Variants in FOCAD observed in about 807,000 individuals in gnomAD.
The protein encoded by FOCAD is focadhesin.
Under a neutral mutation model 225.6 loss-of-function variants are expected in FOCAD, and 198 were observed. The observed-to-expected ratio is 0.88, with a 90% CI of 0.78 to 0.99. The LOEUF (loss-of-function observed/expected upper bound fraction) is 0.99. Ranked by LOEUF, FOCAD falls within the 50% of genes least tolerant of loss-of-function variation. The pLI is 0.00. For synonymous variants in FOCAD, 897 were observed against 755.0 expected, an observed-to-expected ratio of 1.19 and a Z score of -3.08; for missense variants, 2,713 against 2,123.6, an observed-to-expected ratio of 1.28 and a Z score of -5.46.
chr9:20,801,122 C>G (rs961574347), intron 11 of FOCAD, among the ~76,000 whole-genome samples: 2 of 152,098 alleles, frequency 1.3e-5, no homozygotes, highest in African/African-American at 4.8e-5. Context: ...ACTCCAGACC[C>G]TGTTTGCCTG....
chr9:20,760,077 C>G (rs1042249608), intron 6 of FOCAD, among the ~76,000 whole-genome samples: 2 of 152,180 alleles, frequency 1.3e-5, no homozygotes, highest in African/African-American at 4.8e-5. Flanking sequence ...GCCACCTGTT[C>G]CTAACTGGTG....
chr9:20,732,093 A>T (rs2012901), intron 4 of FOCAD, among the ~76,000 whole-genome samples: 95,190 of 151,960 alleles, frequency 0.63, 30,832 homozygotes, highest in Non-Finnish European at 0.71. Context: ...CTTTTCCCTA[A>T]TGCTCTCCTG....
chr9:20,777,518 T>C (rs1054319021), intron 8 of FOCAD, among the ~76,000 whole-genome samples: 2 of 152,080 alleles, frequency 1.3e-5, no homozygotes, highest in African/African-American at 4.8e-5. Context: ...CTTTTTTTCA[T>C]TTTGTTTATA....
At chr9:20,756,360 A>C (rs545169475) in intron 5 of FOCAD, among the ~76,000 whole-genome samples, 2 of 152,280 alleles carry the variant, frequency 1.3e-5, no homozygotes, top group East Asian at 3.9e-4. Context: ...GAGGTGTTTC[A>C]CATGTGTTTC....
At chr9:20,962,563 T>A (rs1056785176) in intron 35 of FOCAD, among the ~76,000 whole-genome samples, 1 of 152,118 alleles carries the variant, frequency 6.6e-6, no homozygotes, top group African/African-American at 2.4e-5. Flanking sequence ...ATATACAGAC[T>A]CAGGCTGTTA....
At chr9:20,958,288 T>C (rs1035534539) in intron 35 of FOCAD, among the ~76,000 whole-genome samples, 3 of 151,784 alleles carry the variant, frequency 2.0e-5, no homozygotes, top group Non-Finnish European at 2.9e-5. Context: ...AGGTATAAAA[T>C]GATACCTTAA....
chr9:20,943,041 C>G (rs1008095068), intron 28 of FOCAD, among the ~76,000 whole-genome samples: 5 of 152,148 alleles, frequency 3.3e-5, no homozygotes, highest in African/African-American at 1.2e-4. Flanking sequence ...CTAATTCTGT[C>G]AAATTGTTAT....
At position 20,946,612 on chromosome 9, in the gene FOCAD, G is replaced by A. The variant is rs1028465539; in HGVS notation, c.3556-89G>A. 4.3e-6 allele frequency: 6 copies of A among 1,402,668 alleles called. No individual in the cohort carries two copies. The Admixed American group carries it at 1.1e-4, about 26-fold the overall frequency. 86.9% of individuals were successfully genotyped at this position (1,402,668 alleles called of 1,614,324 possible). On this transcript the variant is annotated intron_variant, in intron 29 of 43. Coordinates refer to ENST00000338382, the MANE Select transcript of FOCAD (RefSeq NM_001375567.1). ...TGTGAATCCAATTCTTACTCTGGGG[G>A]GGAGTTTGACAGAATATCTTGTCAA...
At chr9:20,726,278 C>A (rs998033607) in intron 4 of FOCAD, 1 of 152,110 alleles carries the variant, frequency 6.6e-6, no homozygotes, top group African/African-American at 2.4e-5. Context: ...CTAGAAGGCT[C>A]ATGCAACCAT....
chr9:20,861,623 A>G (rs1284862809), intron 15 of FOCAD, among the ~76,000 whole-genome samples: 1 of 152,184 alleles, frequency 6.6e-6, no homozygotes, highest in African/African-American at 2.4e-5. Context: ...CCTTAAGTAT[A>G]TATTACTCAT....
chr9:20,962,968 C>A (rs1358925650), intron 35 of FOCAD, among the ~76,000 whole-genome samples: 1 of 152,198 alleles, frequency 6.6e-6, no homozygotes, highest in Non-Finnish European at 1.5e-5. Flanking sequence ...GGGGAAGGAA[C>A]TAGTTCACTG....
At chr9:20,911,740 G>A (rs1421502564) in intron 22 of FOCAD, among the ~76,000 whole-genome samples, 1 of 152,172 alleles carries the variant, frequency 6.6e-6, no homozygotes, top group Admixed American at 6.6e-5. Flanking sequence ...GCCAGTAGGT[G>A]TAAATGGCAT....
intron 34 of FOCAD, among the ~76,000 whole-genome samples, 168 bp downstream of exon 34, chr9:20,951,266 C>G (rs1837662258): frequency 6.6e-6 from 1 of 152,060 alleles, no homozygotes; most frequent in Non-Finnish European, 1.5e-5. Flanking sequence ...CCTGACTTAC[C>G]CAGGGTCATG....
intron 18 of FOCAD, among the ~76,000 whole-genome samples, chr9:20,867,260 G>C (rs1564090239): frequency 6.6e-6 from 1 of 151,990 alleles, no homozygotes; most frequent in African/African-American, 2.4e-5. Flanking sequence ...GCTTGCTCCA[G>C]ATCTGAGTCA....
At chr9:20,748,482 T>G (rs1828261057) in intron 5 of FOCAD, among the ~76,000 whole-genome samples, 1 of 152,090 alleles carries the variant, frequency 6.6e-6, no homozygotes, top group Admixed American at 6.6e-5. Context: ...ATAGAAAATG[T>G]ACACATGCAT....
chr9:20,779,534 G>A (rs1819150326), intron 9 of FOCAD, among the ~76,000 whole-genome samples: 1 of 152,328 alleles, frequency 6.6e-6, no homozygotes, highest in East Asian at 1.9e-4. Flanking sequence ...ACCACCTGAG[G>A]TCAGGAGTTC....
rs771649411 is a variant in FOCAD at position 20,981,443 on chromosome 9, T to C, written c.4395T>C (p.Tyr1465=). 2 of 1,614,056 alleles carry C rather than the reference T, an allele frequency of 1.2e-6. No homozygotes were observed. Among genetic ancestry groups the C allele is most frequent in the Non-Finnish European group, 8.5e-7 (1 of 1,179,942 alleles). Residue 1465 remains tyrosine (Y), a synonymous_variant, in exon 38 of 44, where the codon TAT becomes TAC. Coordinates refer to ENST00000338382, the MANE Select transcript of FOCAD (RefSeq NM_001375567.1). ...IHSLSLNTKR[Y]LLISAPLWIK... is the part of the protein sequence containing the mutation. ...ACTTCCAGCTGAATACCAAGAGATATCTCCTGATATCTGCACCTCTGTGGA... is the reference window on the plus strand; with the variant it reads ...ACTTCCAGCTGAATACCAAGAGATACCTCCTGATATCTGCACCTCTGTGGA...
intron 2 of FOCAD, among the ~76,000 whole-genome samples, chr9:20,716,694 C>A (rs1158047243): frequency 1.3e-5 from 2 of 152,140 alleles, no homozygotes; most frequent in African/African-American, 4.8e-5. Context: ...TCGATGTTAG[C>A]ACCATATTTC....
At chr9:20,863,757 A>T (rs1285696057) in intron 16 of FOCAD, among the ~76,000 whole-genome samples, 7 of 152,132 alleles carry the variant, frequency 4.6e-5, no homozygotes, top group African/African-American at 1.4e-4. Context: ...ATGAGCTAAG[A>T]CTAAAAGCCA....
Sources: gnomAD v4.1 joint callset for allele counts (sites outside exome capture counted in the v4.1 genomes callset) on GRCh38, gnomAD v4.1.1 for gene constraint, MANE v1.5 for transcripts, NCBI Gene and HGNC (gene_info 2026-07-23, HGNC 2026-07-21) for gene names.